Variants in ANKRD36 observed in about 807,000 individuals in gnomAD.
ANKRD36 encodes the protein ankyrin repeat domain 36.
ANKRD36 carries 179 observed loss-of-function variants against 278.1 expected under a neutral mutation model. That is an observed-to-expected ratio of 0.64 (90% CI 0.57 to 0.73). The LOEUF is 0.73. Among genes scored for constraint, ANKRD36 ranks in the 30% least tolerant of loss-of-function variants. The pLI is 0.00. For synonymous variants in ANKRD36, 320 were observed against 641.1 expected (o/e 0.50, Z 7.57); for missense variants, 1,159 against 1,956.7 (o/e 0.59, Z 7.69).
intron 67 of ANKRD36, among the ~76,000 whole-genome samples, chr2:97,232,840 A>G (rs1239151854): frequency 6.6e-6 from 1 of 152,048 alleles, no homozygotes; most frequent in African/African-American, 2.4e-5. Flanking sequence ...GAAACCCAGA[A>G]GTAGTTATGG....
At chr2:97,194,111 C>T (rs746820549) in intron 38 of ANKRD36, among the ~76,000 whole-genome samples, 1 of 151,480 alleles carries the variant, frequency 6.6e-6, no homozygotes, top group African/African-American at 2.4e-5. Context: ...CTAGTGGATA[C>T]AAGAAAATTA....
intron 17 of ANKRD36, among the ~76,000 whole-genome samples, chr2:97,159,773 T>C (rs1373888883): frequency 6.6e-6 from 1 of 151,238 alleles, no homozygotes; most frequent in Non-Finnish European, 1.5e-5. Context: ...TTAATAAAAA[T>C]TAAAATTTCT....
At chr2:97,157,130 CCTCTCTCT>C (rs564270958) in intron 15 of ANKRD36, among the ~76,000 whole-genome samples, 1 of 67,262 alleles carries the variant, frequency 1.5e-5, no homozygotes, top group Non-Finnish European at 5.5e-5. Context: ...GTTTTTTTTT[CCTCTCTCT>C]CTCTCTCTCT....
At chr2:97,156,729 T>C (rs1191142865) in intron 15 of ANKRD36, among the ~76,000 whole-genome samples, 2 of 135,864 alleles carry the variant, frequency 1.5e-5, no homozygotes, top group South Asian at 2.6e-4. Context: ...CCTTTGGGTA[T>C]ATACCCAGTA....
At chr2:97,165,756 T>C (rs1408465899) in intron 20 of ANKRD36, among the ~76,000 whole-genome samples, 3 of 152,276 alleles carry the variant, frequency 2.0e-5, no homozygotes, top group Non-Finnish European at 4.4e-5. Flanking sequence ...ATTTTGTGCT[T>C]TTCTGAAAAC....
At chr2:97,183,796 C>T (rs1483758501) in intron 28 of ANKRD36, 142 bp downstream of exon 28, 66 of 1,202,012 alleles carry the variant, frequency 5.5e-5, no homozygotes, top group Non-Finnish European at 7.4e-5. Context: ...AGTAAGTTGT[C>T]AGGTGGTGCT....
At chr2:97,210,965 G>A (rs1475090687) in intron 56 of ANKRD36, among the ~76,000 whole-genome samples, 1 of 151,870 alleles carries the variant, frequency 6.6e-6, no homozygotes, top group Non-Finnish European at 1.5e-5. Context: ...CACCACATGG[G>A]GGTGAGAGAT....
intron 3 of ANKRD36, among the ~76,000 whole-genome samples, chr2:97,120,874 G>A (rs1180717759): frequency 2.0e-5 from 3 of 152,064 alleles, no homozygotes; most frequent in African/African-American, 4.8e-5. Flanking sequence ...CTCGTGCACA[G>A]ATCTGGATTC....
chr2:97,116,564 G>A (rs1200352715), intron 1 of ANKRD36, among the ~76,000 whole-genome samples: 3 of 152,042 alleles, frequency 2.0e-5, no homozygotes, highest in African/African-American at 7.2e-5. Context: ...GTGAGCCACT[G>A]TGCCTGGCCT....
chr2:97,180,366 G>A (rs1044722772), intron 24 of ANKRD36, among the ~76,000 whole-genome samples: 7 of 151,590 alleles, frequency 4.6e-5, no homozygotes, highest in African/African-American at 1.7e-4. Flanking sequence ...GAAGACCACT[G>A]ATGTAGCAAT....
intron 15 of ANKRD36, among the ~76,000 whole-genome samples, chr2:97,155,994 A>G (rs2047333381): frequency 6.8e-6 from 1 of 146,060 alleles, no homozygotes; most frequent in Non-Finnish European, 1.5e-5. Context: ...CTTTTGTTCT[A>G]ATGTTGAGAA....
At chr2:97,219,522 C>A (rs1386898849) in intron 66 of ANKRD36, among the ~76,000 whole-genome samples, 6 of 150,680 alleles carry the variant, frequency 4.0e-5, no homozygotes, top group African/African-American at 1.5e-4. Context: ...GCTCTTGTTG[C>A]CCAGGGTGGA....
At chr2:97,140,077 T>G (rs1488027454) in intron 6 of ANKRD36, among the ~76,000 whole-genome samples, 1 of 151,954 alleles carries the variant, frequency 6.6e-6, no homozygotes, top group African/African-American at 2.4e-5. Context: ...AATAGAATAA[T>G]TTTCATTACA....
chr2:97,229,066 C>T (rs2070974430), intron 67 of ANKRD36, among the ~76,000 whole-genome samples: 1 of 151,838 alleles, frequency 6.6e-6, no homozygotes. Flanking sequence ...AGTATGTGGT[C>T]AATTTTGGAA....
At chr2:97,209,202 AC>A (rs1367871686) in intron 54 of ANKRD36, among the ~76,000 whole-genome samples, 9 of 146,732 alleles carry the variant, frequency 6.1e-5, no homozygotes, top group Admixed American at 6.1e-4. Context: ...TGTACTTTCA[AC>A]TGGAGTGTCA....
In ANKRD36 at chr2:97,146,846, C is replaced by A. The variant is rs1213630706; in HGVS notation, c.1034+330C>A. ...CATAGATGGATACAGACCTATGCAGCAATGCGATCACGGTACTGGTGTAAC... is the reference window on the plus strand; with the variant it reads ...CATAGATGGATACAGACCTATGCAGAAATGCGATCACGGTACTGGTGTAAC... On this transcript the variant is annotated intron_variant, in intron 11 of 75. Transcript: ENST00000420699. Among the ~76,000 whole-genome samples, 10 of 151,748 alleles carry A rather than the reference C, an allele frequency of 6.6e-5. No individual in the cohort carries two copies. In the East Asian group the frequency reaches 1.9e-3, roughly 29 times the overall value.
intron 42 of ANKRD36, among the ~76,000 whole-genome samples, chr2:97,197,444 C>T (rs1558683732): frequency 6.6e-6 from 1 of 151,936 alleles, no homozygotes; most frequent in Non-Finnish European, 1.5e-5. Flanking sequence ...CATTACTCTC[C>T]TTTGTTACTG....
intron 11 of ANKRD36, among the ~76,000 whole-genome samples, chr2:97,148,117 T>A (rs1400429170): frequency 2.6e-5 from 4 of 151,922 alleles, no homozygotes; most frequent in Non-Finnish European, 4.4e-5. Flanking sequence ...GGAGATTGCT[T>A]AAGTACATAG....
chr2:97,193,179 AT>A, intron 38 of ANKRD36, 126 bp downstream of exon 38: 2 of 1,018,482 alleles, frequency 2.0e-6, no homozygotes, highest in Non-Finnish European at 2.8e-6. Flanking sequence ...GAGATTCTTC[AT>A]TTCAAATAAG....
Sources: allele counts gnomAD v4.1 joint callset (sites outside exome capture counted in the v4.1 genomes callset), GRCh38; gene constraint gnomAD v4.1.1; transcripts MANE v1.5; gene names NCBI Gene and HGNC (gene_info 2026-07-23, HGNC 2026-07-21).